Variants in PNKD observed in about 807,000 individuals in gnomAD.
PNKD encodes PNKD metallo-beta-lactamase domain containing.
PNKD carries 36 observed loss-of-function variants against 45.3 expected under a neutral mutation model. The ratio of observed to expected loss-of-function variants is 0.80; its 90% CI spans 0.61 to 1.05. The LOEUF (loss-of-function observed/expected upper bound fraction) is 1.05, where lower values mean the gene tolerates loss of function less well. Among genes scored for constraint, PNKD ranks in the 50% least tolerant of loss-of-function variants. The pLI, the probability that PNKD is intolerant of heterozygous loss-of-function variation, is 0.00. For missense variants in PNKD, 511 were observed against 506.6 expected (o/e 1.01, Z -0.08); for synonymous variants, 197 against 210.1 (o/e 0.94, Z 0.54).
At position 218,342,042 on chromosome 2, in the gene PNKD, C is replaced by G. The variant is rs1360064508; in HGVS notation, c.679C>G (p.Pro227Ala). 1.9e-6 allele frequency: 3 copies of G among 1,612,858 alleles called. No homozygotes were observed. In the African/African-American group the frequency reaches 4.0e-5, roughly 22 times the overall value. Residue 227 changes from proline to alanine, a missense_variant, in exon 7 of 10, where the codon CCT becomes GCT. By Grantham distance (27) the Pro-to-Ala change is conservative. Transcript: ENST00000273077. ...GRLQIRALAT[P>A]GHTQGHLVYL... The stretch of plus-strand genomic sequence containing the variant: ...GCTTCAGATCCGGGCCCTGGCTACA[C>G]CTGGCCACACACAAGGCCATCTGGT...
rs753100961 is a variant in PNKD at position 218,271,426 on chromosome 2, C to T, written c.113C>T (p.Thr38Ile). 11 of 1,613,974 alleles carry T rather than the reference C, an allele frequency of 6.8e-6. No individual in the cohort carries two copies. Among genetic ancestry groups the T allele is most frequent in the Admixed American group, 6.7e-5 (4 of 59,990 alleles). The change falls in exon 2 of 10, where the codon ACC becomes ATC. Residue 38 changes from threonine (T) to isoleucine (I), a missense_variant. Transcript: ENST00000273077. ...ATANKASHNR[T>I]RALQSHSSPE... ...GCTAACAAGGCTTCTCATAACAGGA[C>T]CCGGGCCCTGCAAAGCCACAGCTCC...
intron 2 of PNKD, among the ~76,000 whole-genome samples, chr2:218,299,340 C>A (rs1487788381): frequency 6.6e-6 from 1 of 152,166 alleles, no homozygotes; most frequent in Admixed American, 6.5e-5. Flanking sequence ...TGAGGTTTCA[C>A]CACGTTGGCC....
intron 2 of PNKD, among the ~76,000 whole-genome samples, chr2:218,271,832 TTTAAGTAAGTAGTTCGTTGAGA>T (rs1226102957): frequency 6.6e-6 from 1 of 152,110 alleles, no homozygotes; most frequent in East Asian, 1.9e-4. Context: ...GAGACCCAAG[TTTAAGTAAGTAGTTCGTTGAGA>T]TCATGTGAGC....
chr2:218,334,236 G>T (rs1336130363), intron 2 of PNKD, among the ~76,000 whole-genome samples: 1 of 151,946 alleles, frequency 6.6e-6, no homozygotes, highest in Non-Finnish European at 1.5e-5. Flanking sequence ...TCACAGTACA[G>T]TCATCAAAAC....
At chr2:218,280,340 C>T (rs1333961919) in intron 2 of PNKD, 8 of 507,974 alleles carry the variant, frequency 1.6e-5, no homozygotes, top group African/African-American at 5.8e-5. Context: ...ACGTTCCTCA[C>T]GTGCATCTGT....
At chr2:218,284,961 G>A (rs889682837) in intron 2 of PNKD, among the ~76,000 whole-genome samples, 1 of 152,172 alleles carries the variant, frequency 6.6e-6, no homozygotes, top group African/African-American at 2.4e-5. Flanking sequence ...ATGGCAGCAG[G>A]CGCCTAGAAT....
intron 2 of PNKD, among the ~76,000 whole-genome samples, chr2:218,298,210 G>T (rs1184558421): frequency 6.6e-6 from 1 of 152,168 alleles, no homozygotes; most frequent in African/African-American, 2.4e-5. Context: ...CATGCTGCAG[G>T]CAGGGCCAGC....
At chr2:218,273,490 T>A (rs1166488784) in intron 2 of PNKD, among the ~76,000 whole-genome samples, 1 of 150,006 alleles carries the variant, frequency 6.7e-6, no homozygotes, top group Non-Finnish European at 1.5e-5. Flanking sequence ...TTTTTTTTTT[T>A]TTTTTTTGAG....
At position 218,339,838 on chromosome 2, in the gene PNKD, C is replaced by A; in HGVS notation, c.292C>A (p.Arg98Ser). 3 of 1,613,626 alleles carry A rather than the reference C, an allele frequency of 1.9e-6. No homozygotes were observed. The highest frequency in any genetic ancestry group is 2.5e-6 in the Non-Finnish European group (3 of 1,179,784). ...GTACCTCTTCTACCGACAGCAGCTG[C>A]GCAGGGCTCGGAATCGCTACCCTAA... ...LGYLFYRQQL[R>S]RARNRYPKGH... The change falls in exon 3 of 10, where the codon CGC becomes AGC. Residue 98 changes from arginine (R) to serine (S), a missense_variant. By Grantham distance (110) the Arg-to-Ser change is moderately radical. Coordinates refer to ENST00000273077, the MANE Select transcript of PNKD (RefSeq NM_015488.5).
chr2:218,345,268 C>A lies in PNKD; in HGVS notation c.*287C>A, dbSNP rs1574724490. ...TCCAGACCCTACCAACTGGGAGGGT[C>A]CCCTCCTCCTTCCCTACTCCTGGGA... On this transcript the variant is annotated 3_prime_UTR_variant, in exon 10 of 10. Transcript: ENST00000273077. 2.6e-6 allele frequency: 1 copy of A among 387,520 alleles called. No individual in the cohort carries two copies. The highest frequency in any genetic ancestry group is 4.3e-5 in the East Asian group (1 of 23,288). The allele number at this position is 387,520 out of a possible 1,614,324, so 24.0% of individuals were successfully genotyped here. A position where few individuals can be genotyped will look rare whatever the true frequency, so the allele number is the denominator to read the frequency against.
intron 6 of PNKD, 137 bp downstream of exon 6, chr2:218,341,763 G>T: frequency 1.3e-6 from 1 of 787,934 alleles, no homozygotes; most frequent in South Asian, 1.5e-5. Context: ...CAGCCTATCT[G>T]AAGACTGGCA....
At chr2:218,280,751 TCCACGCTTGAGCCAC>T (rs1691826667) in intron 2 of PNKD, 1 of 151,450 alleles carries the variant, frequency 6.6e-6, no homozygotes, top group Non-Finnish European at 1.5e-5. Context: ...ACTTTTAAAA[TCCACGCTTGAGCCAC>T]CCAGGAAGAC....
chr2:218,273,365 G>A (rs1690932600), intron 2 of PNKD, among the ~76,000 whole-genome samples: 1 of 152,004 alleles, frequency 6.6e-6, no homozygotes, highest in African/African-American at 2.4e-5. Flanking sequence ...TCCACCTCCT[G>A]GGCTCAAGTG....
In PNKD at chr2:218,345,166, C is replaced by T; in HGVS notation, c.*185C>T. On this transcript the variant is annotated 3_prime_UTR_variant, in exon 10 of 10. Coordinates refer to ENST00000273077, the MANE Select transcript of PNKD (RefSeq NM_015488.5). ...AGACTGTGAGGCCAAAAGAAGGGGG[C>T]CTGTTGGAGGCTGGGAACCCCGCAG... 1 of 605,172 alleles carries T rather than the reference C, an allele frequency of 1.7e-6. No homozygotes were observed. The highest frequency in any genetic ancestry group is 2.9e-6 in the Non-Finnish European group (1 of 344,496). The allele number at this position is 605,172 out of a possible 1,614,324, so 37.5% of individuals were successfully genotyped here.
intron 2 of PNKD, among the ~76,000 whole-genome samples, chr2:218,288,993 GC>G (rs1230025761): frequency 6.6e-6 from 1 of 152,180 alleles, no homozygotes; most frequent in Non-Finnish European, 1.5e-5. Context: ...CCCACAGCAG[GC>G]AAACAGCAGA....
chr2:218,272,842 C>T, intron 2 of PNKD: 2 of 1,608,980 alleles, frequency 1.2e-6, no homozygotes, highest in Non-Finnish European at 8.5e-7. Context: ...CTCTGAGGTC[C>T]ACCAGAGGGC....
At chr2:218,318,946 T>A (rs1242598074) in intron 2 of PNKD, among the ~76,000 whole-genome samples, 2 of 122,486 alleles carry the variant, frequency 1.6e-5, no homozygotes, top group African/African-American at 7.3e-5. Context: ...TTCTTTTTTT[T>A]TTTCTTTTTT....
chr2:218,332,783 T>TA lies in PNKD; in HGVS notation c.237-7000_237-6999insA, dbSNP rs753231984. On this transcript the variant is annotated intron_variant, in intron 2 of 9. Coordinates refer to ENST00000273077, the MANE Select transcript of PNKD (RefSeq NM_015488.5). The stretch of plus-strand genomic sequence containing the variant: ...CTCCACTCAGCAGCCCAGTGAGCTC[T>TA]CAGAAAGGGAGTCTGATCCTGTGCA... Among the ~76,000 whole-genome samples the TA allele has an allele frequency of 5.1e-4, 78 of 152,036 alleles. 1 individual carries two copies. The highest frequency in any genetic ancestry group is 3.0e-3 in the Admixed American group (46 of 15,262).
chr2:218,279,133 G>T (rs980685541), intron 2 of PNKD: 12 of 1,612,702 alleles, frequency 7.4e-6, no homozygotes, highest in Non-Finnish European at 8.5e-6. Context: ...CCTGAGGCTT[G>T]TCTGCCCCAC....
Sources: gnomAD v4.1 joint callset for allele counts (sites outside exome capture counted in the v4.1 genomes callset) on GRCh38, gnomAD v4.1.1 for gene constraint, MANE v1.5 for transcripts, NCBI Gene and HGNC (gene_info 2026-07-23, HGNC 2026-07-21) for gene names.